ERBB4: variants seen among roughly 807,000 people sequenced by gnomAD.
ERBB4 encodes receptor tyrosine-protein kinase erbB-4.
Under a neutral mutation model 158.0 loss-of-function variants are expected in ERBB4, and 42 were observed. That is an observed-to-expected ratio of 0.27 (90% CI 0.21 to 0.34). The LOEUF is 0.34. Among genes scored for constraint, ERBB4 ranks in the 10% least tolerant of loss-of-function variants. The pLI, the probability that ERBB4 is intolerant of heterozygous loss-of-function variation, is 1.00. For missense variants in ERBB4, 1,333 were observed against 1,624.1 expected, an observed-to-expected ratio of 0.82 and a Z score of 3.08; for synonymous variants, 583 against 558.7, an observed-to-expected ratio of 1.04 and a Z score of -0.61.
chr2:211,470,345 C>T (rs2064801740), intron 20 of ERBB4, among the ~76,000 whole-genome samples: 1 of 152,042 alleles, frequency 6.6e-6, no homozygotes. Flanking sequence ...AGACTGACTC[C>T]TCTTTGGCTC....
chr2:211,933,834 T>A (rs534148789), intron 3 of ERBB4, among the ~76,000 whole-genome samples: 1 of 152,148 alleles, frequency 6.6e-6, no homozygotes, highest in South Asian at 2.1e-4. Flanking sequence ...TATAGAAGAA[T>A]AGATTAAGAG....
At chr2:212,241,655 G>A (rs1260470856) in intron 1 of ERBB4, among the ~76,000 whole-genome samples, 2 of 152,072 alleles carry the variant, frequency 1.3e-5, no homozygotes, top group East Asian at 1.9e-4. Flanking sequence ...TTTTAGTTGA[G>A]TATTTTCAAT....
intron 1 of ERBB4, among the ~76,000 whole-genome samples, chr2:212,448,894 A>G (rs1560354500): frequency 6.6e-6 from 1 of 151,962 alleles, no homozygotes; most frequent in Non-Finnish European, 1.5e-5. Context: ...CAGGTTTTCT[A>G]TTTGGACTTT....
rs1020891198 is a variant in ERBB4 at position 211,717,373 on chromosome 2, G to T, written c.884-3725C>A. ...ATATTTAAGATGCAAAATCTTTGCT[G>T]TCTTGGAGTTAGTGTGTCTGTGACT... On this transcript the variant is annotated intron_variant, in intron 7 of 27. Transcript: ENST00000342788. 3.9e-5 allele frequency among the ~76,000 whole-genome samples: 6 copies of T among 152,200 alleles called. No homozygotes were observed. In the East Asian group the frequency reaches 7.7e-4, roughly 20 times the overall value.
At chr2:211,786,782 C>G (rs1339622224) in intron 4 of ERBB4, among the ~76,000 whole-genome samples, 1 of 152,176 alleles carries the variant, frequency 6.6e-6, no homozygotes, top group Non-Finnish European at 1.5e-5. Context: ...CCACCACTAC[C>G]CTGCCAATAT....
At chr2:212,101,421 C>T (rs928030671) in intron 2 of ERBB4, among the ~76,000 whole-genome samples, 1 of 148,186 alleles carries the variant, frequency 6.7e-6, no homozygotes, top group Non-Finnish European at 1.5e-5. Context: ...TTCTTTAAGG[C>T]GAAGAAAGAT....
At chr2:211,534,747 T>C (rs1375892526) in intron 20 of ERBB4, among the ~76,000 whole-genome samples, 2 of 152,064 alleles carry the variant, frequency 1.3e-5, no homozygotes, top group African/African-American at 4.8e-5. Flanking sequence ...ATGACTAGAC[T>C]GAGCCCTGCT....
intron 1 of ERBB4, among the ~76,000 whole-genome samples, chr2:212,271,571 C>G (rs1281149359): frequency 6.6e-6 from 1 of 151,670 alleles, no homozygotes; most frequent in African/African-American, 2.4e-5. Flanking sequence ...AAATAATAGT[C>G]AGTGATTGAA....
chr2:211,588,377 C>T (rs543976443), intron 19 of ERBB4, among the ~76,000 whole-genome samples: 7 of 151,914 alleles, frequency 4.6e-5, no homozygotes, highest in Admixed American at 2.0e-4. Flanking sequence ...AAAAGTAATA[C>T]GAGCAAACAT....
chr2:211,799,918 G>A (rs972112374), intron 3 of ERBB4, among the ~76,000 whole-genome samples: 3 of 152,082 alleles, frequency 2.0e-5, no homozygotes, highest in Admixed American at 6.6e-5. Context: ...ACTAGGCCAC[G>A]TTAAAATTCA....
At chr2:211,491,010 C>T (rs774275701) in intron 20 of ERBB4, among the ~76,000 whole-genome samples, 1 of 151,858 alleles carries the variant, frequency 6.6e-6, no homozygotes, top group Non-Finnish European at 1.5e-5. Flanking sequence ...CACCAGAGAC[C>T]CTGCTAGGAT....
chr2:211,498,228 C>T (rs1040456893), intron 20 of ERBB4, among the ~76,000 whole-genome samples: 9 of 152,022 alleles, frequency 5.9e-5, no homozygotes, highest in African/African-American at 2.2e-4. Context: ...TATCAGTGTT[C>T]TAATTTGTGC....
intron 2 of ERBB4, among the ~76,000 whole-genome samples, chr2:212,069,233 T>C (rs558711742): frequency 6.6e-6 from 1 of 152,234 alleles, no homozygotes; most frequent in East Asian, 1.9e-4. Flanking sequence ...TCACACACCA[T>C]GACCAAGTGT....
intron 1 of ERBB4, among the ~76,000 whole-genome samples, chr2:212,241,331 G>A (rs974758722): frequency 2.0e-5 from 3 of 151,956 alleles, no homozygotes; most frequent in African/African-American, 4.8e-5. Context: ...CCTTGGAAAT[G>A]GATTCAAATC....
At chr2:212,270,479 C>T (rs1210593610) in intron 1 of ERBB4, among the ~76,000 whole-genome samples, 9 of 151,782 alleles carry the variant, frequency 5.9e-5, no homozygotes, top group East Asian at 2.0e-4. Context: ...TTATTTTCTA[C>T]GGCAGATTCA....
chr2:211,527,735 A>G (rs2066387253), intron 20 of ERBB4, among the ~76,000 whole-genome samples: 1 of 152,098 alleles, frequency 6.6e-6, no homozygotes, highest in African/African-American at 2.4e-5. Context: ...TAGAGTTTTT[A>G]TTAGTTTTCT....
chr2:212,495,879 C>T (rs1398835623), intron 1 of ERBB4, among the ~76,000 whole-genome samples: 1 of 152,152 alleles, frequency 6.6e-6, no homozygotes, highest in Non-Finnish European at 1.5e-5. Flanking sequence ...ATAATTTATA[C>T]AGCTCTCTAT....
intron 3 of ERBB4, among the ~76,000 whole-genome samples, chr2:211,905,442 A>ATGTAACCTAACACAGGTTC (rs964656993): frequency 4.0e-5 from 6 of 151,646 alleles, no homozygotes; most frequent in Non-Finnish European, 8.8e-5. Flanking sequence ...CCCTTTTGCC[A>ATGTAACCTAACACAGGTTC]TGTAACCTAA....
intron 19 of ERBB4, among the ~76,000 whole-genome samples, chr2:211,580,907 A>ATATATATATATATATATAC (rs2068085010): frequency 1.1e-5 from 1 of 91,816 alleles, no homozygotes; most frequent in African/African-American, 4.1e-5. Flanking sequence ...ATATATATAT[A>ATATATATATATATATATAC]TATATATATG....
Sources: allele counts gnomAD v4.1 joint callset (sites outside exome capture counted in the v4.1 genomes callset), GRCh38; gene constraint gnomAD v4.1.1; transcripts MANE v1.5; gene names NCBI Gene and HGNC (gene_info 2026-07-23, HGNC 2026-07-21).